Variants in CASZ1 observed in about 807,000 individuals in gnomAD.
The protein encoded by CASZ1 is zinc finger protein castor homolog 1.
In CASZ1, 28 loss-of-function variants were observed where a neutral mutation model predicts 135.2. The ratio of observed to expected loss-of-function variants is 0.21; its 90% CI spans 0.15 to 0.28. The LOEUF (loss-of-function observed/expected upper bound fraction) is 0.28. CASZ1 is among the 10% of genes least tolerant of loss of function. The probability of loss-of-function intolerance (pLI) is 1.00; values close to 1 mark genes in which losing one functional copy is unlikely to be tolerated. For synonymous variants in CASZ1, 1,068 were observed against 1,073.4 expected (o/e 0.99, Z 0.10); for missense variants, 2,161 against 2,453.3 (o/e 0.88, Z 2.52).
intron 1 of CASZ1, among the ~76,000 whole-genome samples, chr1:10,791,062 G>A (rs1160050089): frequency 4.1e-5 from 6 of 145,610 alleles, no homozygotes; most frequent in African/African-American, 1.0e-4. Context: ...TTTTACATCC[G>A]AAGAGACCCT....
Position 10,646,257 on chromosome 1 carries a change from G to C in CASZ1, c.3567C>G (p.Cys1189Trp). The C allele has an allele frequency of 6.2e-7, 1 of 1,614,208 alleles. No homozygotes were observed. Among genetic ancestry groups the C allele is most frequent in the Non-Finnish European group, 8.5e-7 (1 of 1,180,038 alleles). ...KFHFHCLFGN[C>W]KYVCKTSGKA... ...TGCCAGACGTTTTGCAGACGTACTT[G>C]CAGTTCCCAAAGAGACAGTGGAAGT... The change falls in exon 17 of 21, where the codon TGC (cysteine) becomes TGG (tryptophan). Residue 1189 changes from cysteine (C) to tryptophan (W), a missense_variant. This residue lies in a region of CASZ1 where 349 missense variants were observed against 460.8 expected (regional missense o/e 0.76). Coordinates refer to ENST00000377022, the MANE Select transcript of CASZ1 (RefSeq NM_001079843.3). The surrounding 1 kb of genome is among the most constrained non-coding windows in gnomAD (Gnocchi z 6.4).
rs1317436748 is a variant in CASZ1, at chr1:10,646,955, G to A, written c.3498-629C>T. ...GAGCGGGTGTGCTGGCCTGCCCTAG[G>A]CCGCCTCCAGGATGCAGAGGGGTGC... On this transcript the variant is annotated intron_variant, in intron 16 of 20. Transcript: ENST00000377022. The surrounding 1 kb of genome is among the most constrained non-coding windows in gnomAD (Gnocchi z 6.4). 6.6e-6 allele frequency among the ~76,000 whole-genome samples: 1 copy of A among 152,146 alleles called. No individual in the cohort carries two copies. Among genetic ancestry groups the A allele is most frequent in the Admixed American group, 6.5e-5 (1 of 15,288 alleles).
At chr1:10,705,666 C>T (rs1343331229) in intron 2 of CASZ1, 122 bp from the exon 3 acceptor site, 1 of 152,328 alleles carries the variant, frequency 6.6e-6, no homozygotes, top group Non-Finnish European at 1.5e-5. Flanking sequence ...GGGGCTGATG[C>T]TCCAGGGCCA....
Position 10,649,174 on chromosome 1 carries a change from G to A in CASZ1, c.3054C>T (p.Phe1018=). 2 of 1,613,730 alleles carry A rather than the reference G, an allele frequency of 1.2e-6. No individual in the cohort carries two copies. The highest frequency in any genetic ancestry group is 1.7e-6 in the Non-Finnish European group (2 of 1,180,020). The change falls in exon 15 of 21, where the codon TTC becomes TTT. Residue 1018 remains phenylalanine (F), a synonymous_variant. Transcript: ENST00000377022. ...GGAGGAAGTCACACTGGCCGTCACA[G>A]AAGTCCTTTGTACCAAACCTAGCCA... is the stretch of plus-strand genomic sequence containing the variant. ...VYLRRFGTKD[F]CDGQCDFLHK...
chr1:10,651,123 G>A (rs1642565969), intron 11 of CASZ1, 47 bp from the exon 12 acceptor site: 1 of 1,426,576 alleles, frequency 7.0e-7, no homozygotes. Context: ...TGAAGGCCTG[G>A]CCCGGGCACA....
At position 10,647,877 on chromosome 1, in the gene CASZ1, C is replaced by T. The variant is rs370619445; in HGVS notation, c.3421G>A (p.Ala1141Thr). The T allele has an allele frequency of 5.0e-5, 81 of 1,613,684 alleles. No homozygotes were observed. The highest frequency in any genetic ancestry group is 8.3e-5 in the Admixed American group (5 of 60,004). ...AGAGAAGTCGTTGCCAAGGGCGAGG[C>T]GGGCAGGTGAGGCACTGACGCTGGG... ...QIPASVPHLPASPLATTSLEN... is the reference protein window; with the variant it reads ...QIPASVPHLPTSPLATTSLEN... Residue 1141 changes from alanine to threonine, a missense_variant, in exon 16 of 21, where the codon GCC (alanine) becomes ACC (threonine). Coordinates refer to ENST00000377022, the MANE Select transcript of CASZ1 (RefSeq NM_001079843.3). This position sits in a 1 kb window ranked among gnomAD's most constrained non-coding sequence, Gnocchi z 4.9.
rs1403512552 is a variant in CASZ1 at position 10,719,290 on chromosome 1, A to C, written c.-76-13746T>G. 6.6e-6 allele frequency among the ~76,000 whole-genome samples: 1 copy of C among 152,196 alleles called. No individual in the cohort carries two copies. The highest frequency in any genetic ancestry group is 1.5e-5 in the Non-Finnish European group (1 of 68,038). ...GGTCTGCCAGCAAGGCACAGCTCCT[A>C]AGAACAGTAAGGCTGTTTCTCTTCT... is the stretch of plus-strand genomic sequence containing the variant. On this transcript the variant is annotated intron_variant, in intron 2 of 20. Coordinates refer to ENST00000377022, the MANE Select transcript of CASZ1 (RefSeq NM_001079843.3). This position sits in a 1 kb window ranked among gnomAD's most constrained non-coding sequence, Gnocchi z 4.0.
At position 10,747,298 on chromosome 1, in the gene CASZ1, T is replaced by C. The variant is rs1178570281; in HGVS notation, c.-77+13403A>G. The stretch of plus-strand genomic sequence containing the variant: ...CTGCAGAGAGAGGCAGGGTTCTGAA[T>C]ACGCTCATCTTTCGTAGATGCAACC... On this transcript the variant is annotated intron_variant, in intron 2 of 20. Transcript: ENST00000377022. This position sits in a 1 kb window ranked among gnomAD's most constrained non-coding sequence, Gnocchi z 4.3. Among the ~76,000 whole-genome samples the C allele has an allele frequency of 1.2e-4, 19 of 152,188 alleles. No individual in the cohort carries two copies. Among genetic ancestry groups the C allele is most frequent in the Admixed American group, 1.2e-3 (19 of 15,278 alleles).
In CASZ1 at chr1:10,724,223, G is replaced by T. The variant is rs1307521160; in HGVS notation, c.-76-18679C>A. On this transcript the variant is annotated intron_variant, in intron 2 of 20. Coordinates refer to ENST00000377022, the MANE Select transcript of CASZ1 (RefSeq NM_001079843.3). This position sits in a 1 kb window ranked among gnomAD's most constrained non-coding sequence, Gnocchi z 4.1. ...GCAAAGGCCACGTGGTCAGAGCCGG[G>T]CTATAAATAGCCAGCAAATCATTTC... 6.6e-6 allele frequency among the ~76,000 whole-genome samples: 1 copy of T among 152,166 alleles called. No homozygotes were observed. Among genetic ancestry groups the T allele is most frequent in the African/African-American group, 2.4e-5 (1 of 41,446 alleles).
chr1:10,645,231 T>C, intron 17 of CASZ1, 143 bp from the exon 18 acceptor site: 1 of 760,468 alleles, frequency 1.3e-6, no homozygotes, highest in Non-Finnish European at 2.1e-6. Flanking sequence ...ACCTTTCACA[T>C]GTTAAAAAGC....
In CASZ1 at chr1:10,756,534, G is replaced by T. The variant is rs1027385596; in HGVS notation, c.-77+4167C>A. On this transcript the variant is annotated intron_variant, in intron 2 of 20. Coordinates refer to ENST00000377022, the MANE Select transcript of CASZ1 (RefSeq NM_001079843.3). This position sits in a 1 kb window ranked among gnomAD's most constrained non-coding sequence, Gnocchi z 5.9. ...TACAGGGCAGTGCCCAGGGCGGCAT[G>T]GGGCCTGTCCAGGGGCGCTGGGGAT... is the stretch of plus-strand genomic sequence containing the variant. Among the ~76,000 whole-genome samples the T allele has an allele frequency of 5.9e-5, 9 of 152,238 alleles. No individual in the cohort carries two copies. The highest frequency in any genetic ancestry group is 4.4e-5 in the Non-Finnish European group (3 of 68,038).
rs1639292523 is a variant in CASZ1 at position 10,711,899 on chromosome 1, G to A, written c.-76-6355C>T. 6.6e-6 allele frequency among the ~76,000 whole-genome samples: 1 copy of A among 152,194 alleles called. No individual in the cohort carries two copies. The highest frequency in any genetic ancestry group is 2.4e-5 in the African/African-American group (1 of 41,444). ...ACAGGCAAATCCACAGAGACAGAAA[G>A]CAGTGGTTGCCAGGGACTGGGGGAA... On this transcript the variant is annotated intron_variant, in intron 2 of 20. Coordinates refer to ENST00000377022, the MANE Select transcript of CASZ1 (RefSeq NM_001079843.3). The surrounding 1 kb of genome is among the most constrained non-coding windows in gnomAD (Gnocchi z 4.4).
rs1557499233 is a variant in CASZ1 at position 10,679,297 on chromosome 1, C to T, written c.17-13726G>A. ...CCCAAACCTGAGGCAGACAGGTCTCCTGGGCCATCTGCACCACATGCCCCA... is the reference window on the plus strand; with the variant it reads ...CCCAAACCTGAGGCAGACAGGTCTCTTGGGCCATCTGCACCACATGCCCCA... On this transcript the variant is annotated intron_variant, in intron 4 of 20. Coordinates refer to ENST00000377022, the MANE Select transcript of CASZ1 (RefSeq NM_001079843.3). The surrounding 1 kb of genome is among the most constrained non-coding windows in gnomAD (Gnocchi z 4.7). Among the ~76,000 whole-genome samples, 1 of 152,176 alleles carries T rather than the reference C, an allele frequency of 6.6e-6. No individual in the cohort carries two copies. The highest frequency in any genetic ancestry group is 1.5e-5 in the Non-Finnish European group (1 of 68,008).
chr1:10,691,071 CCT>C (rs1385493032), intron 4 of CASZ1, among the ~76,000 whole-genome samples: 1 of 134,822 alleles, frequency 7.4e-6, no homozygotes, highest in Non-Finnish European at 1.7e-5. Flanking sequence ...CTCCTCTCTT[CCT>C]CTCTCCCCTC....
chr1:10,729,364 G>T (rs888152907), intron 2 of CASZ1, among the ~76,000 whole-genome samples: 1 of 152,196 alleles, frequency 6.6e-6, no homozygotes, highest in African/African-American at 2.4e-5. Context: ...GGGCAGCCGG[G>T]CCCAGGTGGC....
chr1:10,639,433 T>C lies in CASZ1; in HGVS notation c.4789A>G (p.Lys1597Glu), dbSNP rs1181445890. 6.3e-7 allele frequency: 1 copy of C among 1,579,254 alleles called. No homozygotes were observed. Among genetic ancestry groups the C allele is most frequent in the Non-Finnish European group, 8.6e-7 (1 of 1,163,714 alleles). The change falls in exon 21 of 21, where the codon AAG becomes GAG. Residue 1597 changes from lysine (K) to glutamate (E), a missense_variant. Lys to Glu is a moderately conservative substitution (Grantham distance 56). Around this residue, in one of 7 missense-constraint regions of CASZ1, gnomAD observed 240 missense variants for 321.4 expected, o/e 0.75. Coordinates refer to ENST00000377022, the MANE Select transcript of CASZ1 (RefSeq NM_001079843.3). The surrounding 1 kb of genome is among the most constrained non-coding windows in gnomAD (Gnocchi z 4.0). ...QMDSHKRKHEKQERGEPAAEG... is the reference protein window; with the variant it reads ...QMDSHKRKHEEQERGEPAAEG... ...GCCGCGGGCTCGCCGCGCTCCTGCT[T>C]CTCGTGCTTGCGCTTGTGCGAGTCC...
In CASZ1 at chr1:10,637,001, T is replaced by G. The variant is rs367556741; in HGVS notation, c.*1941A>C. On this transcript the variant is annotated 3_prime_UTR_variant, in exon 21 of 21. Transcript: ENST00000377022. ...GCATTGTTTCCCCACAGAAAGAAAATAAAACAAAAATTACACGTTAAAATT... is the reference window on the plus strand; with the variant it reads ...GCATTGTTTCCCCACAGAAAGAAAAGAAAACAAAAATTACACGTTAAAATT... 7 of 152,204 alleles carry G rather than the reference T, an allele frequency of 4.6e-5. No individual in the cohort carries two copies. The highest frequency in any genetic ancestry group is 1.7e-4 in the African/African-American group (7 of 41,350). 9.4% of individuals were successfully genotyped at this position (152,204 alleles called of 1,614,324 possible).
chr1:10,698,220 A>G (rs1638982176), intron 3 of CASZ1, among the ~76,000 whole-genome samples: 1 of 152,260 alleles, frequency 6.6e-6, no homozygotes, highest in South Asian at 2.1e-4. Context: ...AGCAATCTCC[A>G]TTCCGAAAGA....
intron 2 of CASZ1, among the ~76,000 whole-genome samples, chr1:10,750,661 A>G (rs1341743814): frequency 1.3e-5 from 2 of 151,936 alleles, no homozygotes; most frequent in African/African-American, 2.4e-5. Flanking sequence ...GCACTTTGGG[A>G]GGCTGACGCA....
Sources: gnomAD v4.1 joint callset for allele counts (sites outside exome capture counted in the v4.1 genomes callset) on GRCh38, gnomAD v4.1.1 for gene constraint, gnomAD v4.1.1 regional missense constraint, Gnocchi (gnomAD v3.1) non-coding constraint, MANE v1.5 for transcripts, NCBI Gene and HGNC (gene_info 2026-07-23, HGNC 2026-07-21) for gene names.